Variants in PGM5 observed in about 807,000 individuals in gnomAD.
PGM5 encodes the protein phosphoglucomutase 5, also known as phosphoglucomutase-like protein 5.
A neutral mutation model predicts 59.2 loss-of-function variants in PGM5; 23 were observed. That is an observed-to-expected ratio of 0.39 (90% CI 0.28 to 0.55). The LOEUF is 0.55. PGM5 is among the 20% of genes least tolerant of loss of function. PGM5 has a pLI of 0.66. For missense variants in PGM5, 574 were observed against 748.3 expected (o/e 0.77, Z 2.72); for synonymous variants, 214 against 286.0 (o/e 0.75, Z 2.54).
chr9:68,386,686 G>A (rs1349306273), intron 3 of PGM5, among the ~76,000 whole-genome samples: 3 of 151,996 alleles, frequency 2.0e-5, no homozygotes, highest in South Asian at 2.1e-4. Context: ...ACAAATTTTA[G>A]CACCTAAAGA....
intron 8 of PGM5, among the ~76,000 whole-genome samples, chr9:68,480,160 C>G (rs1415170590): frequency 6.6e-6 from 1 of 152,206 alleles, no homozygotes; most frequent in African/African-American, 2.4e-5. Context: ...TATTTGGTAA[C>G]TATCATGGCT....
chr9:68,436,487 G>T (rs142616368), intron 6 of PGM5, among the ~76,000 whole-genome samples: 3,916 of 152,212 alleles, frequency 0.026, 64 homozygotes, highest in Non-Finnish European at 0.035. Flanking sequence ...GAGAGAAGGA[G>T]TATCTGGGTC....
chr9:68,495,793 AT>A (rs1195625235), intron 9 of PGM5, among the ~76,000 whole-genome samples: 39 of 152,240 alleles, frequency 2.6e-4, no homozygotes, highest in Non-Finnish European at 5.0e-4. Flanking sequence ...CTCTACTGAG[AT>A]TTTGATAATT....
intron 8 of PGM5, among the ~76,000 whole-genome samples, chr9:68,483,332 G>T (rs1264056700): frequency 6.6e-6 from 1 of 152,152 alleles, no homozygotes; most frequent in Admixed American, 6.5e-5. Context: ...GGTCAGAGAA[G>T]GTCACATTCT....
chr9:68,377,202 C>T (rs1382561000), intron 1 of PGM5, among the ~76,000 whole-genome samples: 40 of 152,146 alleles, frequency 2.6e-4, no homozygotes, highest in African/African-American at 8.9e-4. Flanking sequence ...GCTGGGATTT[C>T]AGGTGGAGCC....
rs781792366 is a variant in PGM5 at position 68,384,366 on chromosome 9, A to G, written c.425-32A>G. 7 of 1,555,116 alleles carry G rather than the reference A, an allele frequency of 4.5e-6. No homozygotes were observed. The Admixed American group carries it at 8.7e-5, about 19-fold the overall frequency. On this transcript the variant is annotated intron_variant, in intron 2 of 10. Transcript: ENST00000396396. ...ACTGCTTGAAACTCACGAGACTTTC[A>G]AAAACATGTATTTTTGGTGTTCACA...
intron 7 of PGM5, chr9:68,466,268 G>GTTT: frequency 4.0e-6 from 3 of 758,646 alleles, no homozygotes; most frequent in Non-Finnish European, 4.9e-6. Context: ...CCGATACTGT[G>GTTT]TGTTTTTTTT....
Position 68,437,577 on chromosome 9 carries a change from T to TCACA in PGM5, c.1044-27496_1044-27493dup, listed in dbSNP as rs142454172. On this transcript the variant is annotated intron_variant, in intron 6 of 10. Transcript: ENST00000396396. This position sits in a 1 kb window ranked among gnomAD's most constrained non-coding sequence, Gnocchi z 4.1. ...CAATTTTTCAAAGGGACACACACAC[T>TCACA]CACACACACACACACACACACACTC... Among the ~76,000 whole-genome samples the TCACA allele has an allele frequency of 3.6e-4, 52 of 145,268 alleles. No individual in the cohort carries two copies. The highest frequency in any genetic ancestry group is 2.2e-3 in the East Asian group (11 of 4,998).
At chr9:68,406,682 A>ATATATG (rs1822820942) in intron 6 of PGM5, among the ~76,000 whole-genome samples, 1 of 39,344 alleles carries the variant, frequency 2.5e-5, no homozygotes, top group African/African-American at 1.1e-4. Flanking sequence ...ATATATGTAT[A>ATATATG]TATATATATA....
intron 6 of PGM5, among the ~76,000 whole-genome samples, chr9:68,401,887 A>ATG (rs1411555776): frequency 4.5e-4 from 3 of 6,614 alleles, no homozygotes; most frequent in African/African-American, 1.3e-3. Context: ...CTATATATAT[A>ATG]TATGTGTGTG....
intron 10 of PGM5, among the ~76,000 whole-genome samples, chr9:68,511,013 C>A (rs1824740211): frequency 6.6e-6 from 1 of 152,130 alleles, no homozygotes; most frequent in African/African-American, 2.4e-5. Context: ...GTGGATGAAG[C>A]CTCTAAGTAG....
At position 68,530,848 on chromosome 9, in the gene PGM5, T is replaced by A. The variant is rs1241929365; in HGVS notation, c.*1192T>A. The A allele has an allele frequency of 1.3e-5, 2 of 152,220 alleles. No homozygotes were observed. Among genetic ancestry groups the A allele is most frequent in the Admixed American group, 1.3e-4 (2 of 15,274 alleles). The allele number at this position is 152,220 out of a possible 1,614,324, so 9.4% of individuals were successfully genotyped here. On this transcript the variant is annotated 3_prime_UTR_variant, in exon 11 of 11. Transcript: ENST00000396396. The stretch of plus-strand genomic sequence containing the variant: ...ACCTGTTTGTGTCTGTTTTGCTTCC[T>A]TGGGAACGGCACAGTCACTCACCCT...
chr9:68,456,452 AG>A (rs1381876813), intron 6 of PGM5, among the ~76,000 whole-genome samples: 7 of 150,142 alleles, frequency 4.7e-5, no homozygotes, highest in South Asian at 4.2e-4. Context: ...CTGGGACTAC[AG>A]GTGCCTGCCA....
chr9:68,455,027 A>G (rs1823751576), intron 6 of PGM5, among the ~76,000 whole-genome samples: 1 of 152,222 alleles, frequency 6.6e-6, no homozygotes, highest in East Asian at 1.9e-4. Flanking sequence ...GCAGTCTTGA[A>G]GATGGTTCCT....
In PGM5 at chr9:68,405,620, C is replaced by G. The variant is rs547144328; in HGVS notation, c.1043+13147C>G. ...CTTTCTTCCTTCTTCCCACCCTTTC[C>G]CTCCATCTCTATTCCTCCCTCCTTC... On this transcript the variant is annotated intron_variant, in intron 6 of 10. Transcript: ENST00000396396. 150 of 154,298 alleles carry G rather than the reference C, an allele frequency of 9.7e-4. No homozygotes were observed. In the South Asian group the frequency reaches 0.03, roughly 31 times the overall value. The allele number at this position is 154,298 out of a possible 1,614,324, so 9.6% of individuals were successfully genotyped here. A position where few individuals can be genotyped will look rare whatever the true frequency, so the allele number is the denominator to read the frequency against.
chr9:68,361,179 G>A (rs1587767814), intron 1 of PGM5, among the ~76,000 whole-genome samples: 1 of 152,276 alleles, frequency 6.6e-6, no homozygotes, highest in East Asian at 1.9e-4. Context: ...TGGTCTCCCT[G>A]AAATATCTTT....
chr9:68,433,796 T>C (rs1823395230), intron 6 of PGM5, among the ~76,000 whole-genome samples: 1 of 152,210 alleles, frequency 6.6e-6, no homozygotes, highest in Non-Finnish European at 1.5e-5. Context: ...AAAAATCAAA[T>C]ACATAAATAA....
chr9:68,356,962 G>C lies in PGM5; in HGVS notation c.-166G>C. On this transcript the variant is annotated 5_prime_UTR_variant, in exon 1 of 11. Transcript: ENST00000396396. Reference sequence around the variant, plus strand: ...GCGGCCGCGCGGAGAGGAGGGGCGGGCGGTCCCCAGGCGGGCGGGTGCAGG... The same window carrying C: ...GCGGCCGCGCGGAGAGGAGGGGCGGCCGGTCCCCAGGCGGGCGGGTGCAGG... 1.8e-6 allele frequency: 1 copy of C among 564,674 alleles called. No homozygotes were observed. Among genetic ancestry groups the C allele is most frequent in the Non-Finnish European group, 2.8e-6 (1 of 359,736 alleles). 35.0% of individuals were successfully genotyped at this position (564,674 alleles called of 1,614,324 possible). A position where few individuals can be genotyped will look rare whatever the true frequency, so the allele number is the denominator to read the frequency against.
chr9:68,406,678 GTATATATATATATATATATATA>G (rs782034091), intron 6 of PGM5, among the ~76,000 whole-genome samples: 3 of 23,612 alleles, frequency 1.3e-4, no homozygotes, highest in South Asian at 1.5e-3. Context: ...ATATATATAT[GTATATATATATATATATATATA>G]TATATATATA....
Sources: gnomAD v4.1 joint callset for allele counts (sites outside exome capture counted in the v4.1 genomes callset) on GRCh38, gnomAD v4.1.1 for gene constraint, Gnocchi (gnomAD v3.1) non-coding constraint, MANE v1.5 for transcripts, NCBI Gene and HGNC (gene_info 2026-07-23, HGNC 2026-07-21) for gene names.